The following SLC27A5 variants were observed in gnomAD, a reference collection of about 807,000 sequenced individuals.
SLC27A5 encodes long-chain fatty acid transport protein 5.
A neutral mutation model predicts 63.1 loss-of-function variants in SLC27A5; 47 were observed. The observed-to-expected ratio is 0.74, with a 90% CI of 0.59 to 0.95. The LOEUF is 0.95. SLC27A5 is among the 40% of genes least tolerant of loss of function. The probability of loss-of-function intolerance (pLI) is 0.00; values close to 1 mark genes in which losing one functional copy is unlikely to be tolerated. For missense variants in SLC27A5, 940 were observed against 921.0 expected (o/e 1.02, Z -0.27); for synonymous variants, 391 against 403.8 (o/e 0.97, Z 0.38).
intron 2 of SLC27A5, chr19:58,510,447 G>T (rs1390845496): frequency 7.3e-6 from 3 of 410,916 alleles, no homozygotes; most frequent in Middle Eastern, 6.3e-4. Context: ...AGTGGTGTGT[G>T]CCTGTAATCC....
intron 7 of SLC27A5, 90 bp from the exon 8 acceptor site, chr19:58,499,310 G>A: frequency 1.4e-6 from 2 of 1,422,576 alleles, no homozygotes; most frequent in Middle Eastern, 1.9e-4. Flanking sequence ...TGGGGATCAG[G>A]AGGCCCAGTC....
At chr19:58,501,562 T>TTCTAGTGAGAGCAGTC in intron 3 of SLC27A5, 152 bp from the exon 4 acceptor site, 2 of 770,774 alleles carry the variant, frequency 2.6e-6, no homozygotes, top group East Asian at 2.9e-5. Flanking sequence ...AGGACTGCTC[T>TTCTAGTGAGAGCAGTC]CACTAGAAGA....
In SLC27A5 at chr19:58,511,367, G is replaced by A. The variant is rs1308686810; in HGVS notation, c.589C>T (p.Leu197=). 5 of 1,606,178 alleles carry A rather than the reference G, an allele frequency of 3.1e-6. No individual in the cohort carries two copies. The highest frequency in any genetic ancestry group is 1.3e-5 in the African/African-American group (1 of 74,974). ...ALCMWLGLAK[L]GCPTAWINPH... The stretch of plus-strand genomic sequence containing the variant: ...TTGATCCAGGCTGTTGGGCAGCCCA[G>A]CTTGGCCAGCCCCAGCCACATACAC... Residue 197 remains leucine, a synonymous_variant, in exon 1 of 10, where the codon CTG becomes TTG. Transcript: ENST00000263093.
chr19:58,504,149 G>A (rs1381848421), intron 3 of SLC27A5, among the ~76,000 whole-genome samples: 1 of 152,060 alleles, frequency 6.6e-6, no homozygotes, highest in Non-Finnish European at 1.5e-5. Context: ...GCCCATTGGA[G>A]AAATCTGAAC....
intron 3 of SLC27A5, among the ~76,000 whole-genome samples, chr19:58,502,776 CAGTT>C (rs1319228923): frequency 6.1e-5 from 9 of 146,674 alleles, no homozygotes; most frequent in Non-Finnish European, 1.3e-4. Flanking sequence ...GATGGGTGGA[CAGTT>C]AGAGTAGTGA....
rs1218047085 is a variant in SLC27A5 at position 58,499,666 on chromosome 19, T to C, written c.1493A>G (p.Lys498Arg). The part of the protein sequence containing the change: ...GLGEPGLLLT[K>R]VVSQQPFVGY... ...CACGAAGGGTTGCTGGCTTACCACCTTGGTCAGCAGCAGCCCCGGCTCCCC... is the reference window on the plus strand; with the variant it reads ...CACGAAGGGTTGCTGGCTTACCACCCTGGTCAGCAGCAGCCCCGGCTCCCC... Residue 498 changes from lysine (K) to arginine (R), a missense_variant, in exon 7 of 10, where the codon AAG becomes AGG. Coordinates refer to ENST00000263093, the MANE Select transcript of SLC27A5 (RefSeq NM_012254.3). 3 of 1,611,842 alleles carry C rather than the reference T, an allele frequency of 1.9e-6. No homozygotes were observed. In the East Asian group the frequency reaches 6.7e-5, roughly 36 times the overall value.
rs755176747 is a variant in SLC27A5, at chr19:58,511,734, G to C, written c.222C>G (p.Thr74=). Residue 74 remains threonine (T), a synonymous_variant, in exon 1 of 10, where the codon ACC becomes ACG. Coordinates refer to ENST00000263093, the MANE Select transcript of SLC27A5 (RefSeq NM_012254.3). The part of the protein sequence containing the change: ...LSLAAAALAL[T]LLPARLPPGL... ...CTGGGGGCAGCCGTGCTGGCAGGAGGGTTAGTGCCAGGGCCGCAGCTGCCA... is the reference window on the plus strand; with the variant it reads ...CTGGGGGCAGCCGTGCTGGCAGGAGCGTTAGTGCCAGGGCCGCAGCTGCCA... 126 of 1,554,132 alleles carry C rather than the reference G, an allele frequency of 8.1e-5. No homozygotes were observed. Among genetic ancestry groups the C allele is most frequent in the Non-Finnish European group, 7.0e-6 (8 of 1,148,578 alleles).
chr19:58,501,258 C>T, intron 4 of SLC27A5, 28 bp downstream of exon 4: 2 of 1,608,074 alleles, frequency 1.2e-6, no homozygotes, highest in Non-Finnish European at 1.7e-6. Context: ...TGGGTGTTCA[C>T]CATGGAGCCC....
intron 3 of SLC27A5, among the ~76,000 whole-genome samples, chr19:58,504,587 G>A (rs1382257981): frequency 1.0e-5 from 1 of 96,624 alleles, no homozygotes; most frequent in African/African-American, 4.1e-5. Context: ...GGGGGGGGGG[G>A]GGCGGGCGGG....
chr19:58,498,997 C>A, intron 8 of SLC27A5, 82 bp from the exon 9 acceptor site: 1 of 1,590,866 alleles, frequency 6.3e-7, no homozygotes, highest in Non-Finnish European at 8.6e-7. Context: ...GCTCTGCTCA[C>A]TGGCTGTGAG....
intron 3 of SLC27A5, among the ~76,000 whole-genome samples, chr19:58,502,708 T>TGC (rs1356078289): frequency 4.1e-5 from 6 of 145,298 alleles, no homozygotes; most frequent in African/African-American, 1.6e-4. Flanking sequence ...GGTGGACAGT[T>TGC]AGAGTAGTGA....
chr19:58,509,762 T>G (rs2053388166), intron 3 of SLC27A5, 85 bp downstream of exon 3: 1 of 1,276,898 alleles, frequency 7.8e-7, no homozygotes, highest in Non-Finnish European at 1.1e-6. Context: ...GGGTAACCTA[T>G]GGTGTCTTTT....
In SLC27A5 at chr19:58,498,729, C is replaced by T. The variant is rs369394480; in HGVS notation, c.1897-38G>A. The stretch of plus-strand genomic sequence containing the variant: ...GACCATGGTCCAATCACTGTGACAT[C>T]CACCCGCCCCCTGGCTATGATCTTC... On this transcript the variant is annotated intron_variant, in intron 9 of 9. Coordinates refer to ENST00000263093, the MANE Select transcript of SLC27A5 (RefSeq NM_012254.3). 49 of 1,610,038 alleles carry T rather than the reference C, an allele frequency of 3.0e-5. No individual in the cohort carries two copies. In the South Asian group the frequency reaches 3.4e-4, roughly 11 times the overall value.
intron 8 of SLC27A5, 100 bp from the exon 9 acceptor site, chr19:58,499,015 A>T: frequency 6.3e-7 from 1 of 1,589,402 alleles, no homozygotes; most frequent in Non-Finnish European, 8.6e-7. Context: ...GAGAGCCAGC[A>T]AGTCTCTAAA....
At chr19:58,504,382 C>T (rs1036995312) in intron 3 of SLC27A5, among the ~76,000 whole-genome samples, 2 of 152,290 alleles carry the variant, frequency 1.3e-5, no homozygotes, top group Non-Finnish European at 2.9e-5. Flanking sequence ...GGCACGGTGG[C>T]TCACGCCTGT....
rs770919483 is a variant in SLC27A5 at position 58,511,552 on chromosome 19, C to T, written c.404G>A (p.Trp135Ter). 47 of 1,565,860 alleles carry T rather than the reference C, an allele frequency of 3.0e-5. No homozygotes were observed. The South Asian group carries it at 5.2e-4, about 17-fold the overall frequency. Residue 135 changes from tryptophan to a stop codon, truncating the protein, a stop_gained, in exon 1 of 10, where the codon TGG becomes TAG. Transcript: ENST00000263093. LOFTEE classifies it high-confidence loss of function. Reference protein sequence around the residue: ...RAQPGRALLVWTGPGAGSVTF... With the variant: ...RAQPGRALLV The stretch of plus-strand genomic sequence containing the variant: ...GACTGAGCCGGCCCCAGGCCCCGTC[C>T]ACACCAAGAGTGCCCTGCCAGGCTG...
In SLC27A5 at chr19:58,499,555, T is replaced by A. The variant is rs756969461; in HGVS notation, c.1604A>T (p.Asp535Val). ...GCCTTCGCGGTCCATGGCCAGTACG[T>A]CCCCGGTGTTGTAGTAAACGTCGCC... ...QSGDVYYNTG[D>V]VLAMDREGFL... The change falls in exon 7 of 10, where the codon GAC becomes GTC. Residue 535 changes from aspartate to valine, a missense_variant. By Grantham distance (152) the Asp-to-Val change is radical. Coordinates refer to ENST00000263093, the MANE Select transcript of SLC27A5 (RefSeq NM_012254.3). 1 of 1,612,660 alleles carries A rather than the reference T, an allele frequency of 6.2e-7. No homozygotes were observed. Among genetic ancestry groups the A allele is most frequent in the East Asian group, 2.2e-5 (1 of 44,816 alleles).
In SLC27A5 at chr19:58,508,555, C is replaced by CA. The variant is rs1456647971; in HGVS notation, c.1057+1291dup. On this transcript the variant is annotated intron_variant, in intron 3 of 9. Coordinates refer to ENST00000263093, the MANE Select transcript of SLC27A5 (RefSeq NM_012254.3). ...TGGGCGACAGAGCGAGACTCCATCTCAAAAAAAAAAAAAAAAAGAACCTAC... is the reference window on the plus strand; with the variant it reads ...TGGGCGACAGAGCGAGACTCCATCTCAAAAAAAAAAAAAAAAAAGAACCTAC... 405 of 76,838 alleles carry CA rather than the reference C, an allele frequency of 5.3e-3. 4 individuals carry two copies. The highest frequency in any genetic ancestry group is 0.019 in the Middle Eastern group (2 of 108). 4.8% of individuals were successfully genotyped at this position (76,838 alleles called of 1,614,324 possible).
intron 6 of SLC27A5, 124 bp from the exon 7 acceptor site, chr19:58,499,814 A>G: frequency 1.2e-6 from 1 of 842,820 alleles, no homozygotes; most frequent in Non-Finnish European, 1.8e-6. Context: ...AAAGACACAG[A>G]CAGGGAGATC....
Sources: allele counts gnomAD v4.1 joint callset (sites outside exome capture counted in the v4.1 genomes callset), GRCh38; gene constraint gnomAD v4.1.1; transcripts MANE v1.5; gene names NCBI Gene and HGNC (gene_info 2026-07-23, HGNC 2026-07-21).